ATP10B: variants seen among roughly 807,000 people sequenced by gnomAD.
ATP10B encodes the protein phospholipid-transporting ATPase VB.
In ATP10B, 122 loss-of-function variants were observed where a neutral mutation model predicts 141.2. The ratio of observed to expected loss-of-function variants is 0.86; its 90% CI spans 0.75 to 1.00. ATP10B has a LOEUF of 1.00. Among genes scored for constraint, ATP10B ranks in the 50% least tolerant of loss-of-function variants. The pLI is 0.00. For synonymous variants in ATP10B, 685 were observed against 692.0 expected, an observed-to-expected ratio of 0.99 and a Z score of 0.16; for missense variants, 1,876 against 1,825.3, an observed-to-expected ratio of 1.03 and a Z score of -0.51.
the ATP10B span, among the ~76,000 whole-genome samples, chr5:160,860,399 GAT>G: frequency 6.6e-6 from 1 of 151,796 alleles, no homozygotes; most frequent in African/African-American, 2.4e-5. Flanking sequence ...AACTAAATGA[GAT>G]AAGTTTAATG....
chr5:160,923,817 A>G, the ATP10B span, among the ~76,000 whole-genome samples: 1 of 152,218 alleles, frequency 6.6e-6, no homozygotes, highest in Non-Finnish European at 1.5e-5. Context: ...CACTGAAACT[A>G]TACTTTAAGA....
chr5:160,807,433 G>A (rs780931261), intron 1 of ATP10B, among the ~76,000 whole-genome samples: 1 of 152,132 alleles, frequency 6.6e-6, no homozygotes, highest in Non-Finnish European at 1.5e-5. Flanking sequence ...AGCACACAGA[G>A]AATATTTAGA....
At chr5:160,734,063 A>G (rs1766938409) in intron 2 of ATP10B, among the ~76,000 whole-genome samples, 1 of 136,344 alleles carries the variant, frequency 7.3e-6, no homozygotes, top group Non-Finnish European at 1.5e-5. Flanking sequence ...AGCCGATATC[A>G]TGTCACTGCA....
At chr5:160,783,453 A>G (rs1388235126) in intron 2 of ATP10B, among the ~76,000 whole-genome samples, 4 of 141,630 alleles carry the variant, frequency 2.8e-5, no homozygotes, top group African/African-American at 1.0e-4. Context: ...TCACATATAT[A>G]TATATATATC....
At chr5:160,779,574 A>G (rs976831224) in intron 2 of ATP10B, among the ~76,000 whole-genome samples, 3 of 152,172 alleles carry the variant, frequency 2.0e-5, no homozygotes, top group Non-Finnish European at 2.9e-5. Context: ...TCACCATGTC[A>G]GTGAGCTTGG....
At chr5:160,648,870 C>A (rs1760486496) in intron 8 of ATP10B, among the ~76,000 whole-genome samples, 1 of 149,790 alleles carries the variant, frequency 6.7e-6, no homozygotes. Context: ...TTAATTAAAT[C>A]ATATTCACCT....
chr5:160,647,190 T>C (rs957686336), intron 8 of ATP10B, among the ~76,000 whole-genome samples: 3 of 152,194 alleles, frequency 2.0e-5, no homozygotes, highest in African/African-American at 7.2e-5. Context: ...AGCCAGCCTG[T>C]GCAGCCTCAG....
intron 6 of ATP10B, among the ~76,000 whole-genome samples, chr5:160,682,871 C>T (rs1763501138): frequency 6.6e-6 from 1 of 151,700 alleles, no homozygotes; most frequent in Admixed American, 6.6e-5. Flanking sequence ...AACCCCGTCT[C>T]TACTAAAAAT....
chr5:160,660,442 CAT>C (rs1761830715), intron 7 of ATP10B, among the ~76,000 whole-genome samples: 1 of 152,152 alleles, frequency 6.6e-6, no homozygotes, highest in Non-Finnish European at 1.5e-5. Context: ...ACCATGAGTT[CAT>C]ATTGATGCTA....
intron 6 of ATP10B, among the ~76,000 whole-genome samples, chr5:160,672,815 A>G (rs964297749): frequency 3.9e-5 from 6 of 152,210 alleles, no homozygotes; most frequent in African/African-American, 1.4e-4. Flanking sequence ...CTCCTTTGAC[A>G]TCACAAAAGT....
rs1181042904 is a variant in ATP10B at position 160,615,964 on chromosome 5, C to T, written c.2527G>A (p.Val843Ile). 6.2e-7 allele frequency: 1 copy of T among 1,611,404 alleles called. No homozygotes were observed. Among genetic ancestry groups the T allele is most frequent in the South Asian group, 1.1e-5 (1 of 90,916 alleles). ...GLRTLCIAKK[V>I]VSEEDFRRWA... ...CTCCGGAAGTCCTCTTCGCTTACAA[C>T]CTATGGGATGGGAAAAGGCTCCTTA... Residue 843 changes from valine (V) to isoleucine (I), a missense_variant and splice_region_variant, in exon 17 of 26, where the codon GTT becomes ATT. Physicochemically the swap from Val to Ile is conservative, Grantham distance 29. Coordinates refer to ENST00000327245, the MANE Select transcript of ATP10B (RefSeq NM_025153.3).
chr5:160,898,219 C>A, the ATP10B span, among the ~76,000 whole-genome samples: 1 of 152,100 alleles, frequency 6.6e-6, no homozygotes, highest in Non-Finnish European at 1.5e-5. Flanking sequence ...AGGAAACCTA[C>A]AGAATGGGAG....
chr5:160,826,305 G>C (rs1039650525), intron 1 of ATP10B, among the ~76,000 whole-genome samples: 1 of 152,076 alleles, frequency 6.6e-6, no homozygotes, highest in African/African-American at 2.4e-5. Flanking sequence ...TTTGTTGCGG[G>C]AAGTCAGGGA....
intron 13 of ATP10B, among the ~76,000 whole-genome samples, chr5:160,627,894 G>A (rs899465095): frequency 2.0e-5 from 3 of 152,192 alleles, no homozygotes; most frequent in Admixed American, 1.3e-4. Context: ...GCTGCTAATC[G>A]TTGTTGTGCC....
intron 5 of ATP10B, chr5:160,686,862 T>C (rs998815661): frequency 3.0e-5 from 24 of 809,872 alleles, no homozygotes; most frequent in South Asian, 5.6e-5. Context: ...TGGTCACTTA[T>C]AATAATAATT....
At chr5:160,729,418 G>A (rs538038912) in intron 2 of ATP10B, among the ~76,000 whole-genome samples, 8 of 152,178 alleles carry the variant, frequency 5.3e-5, no homozygotes, top group East Asian at 1.9e-4. Context: ...CAGCTGCTGC[G>A]CTAGCTAACA....
At chr5:160,767,636 C>CCCCCACCG (rs1199308387) in intron 2 of ATP10B, among the ~76,000 whole-genome samples, 1 of 60,752 alleles carries the variant, frequency 1.6e-5, no homozygotes, top group Non-Finnish European at 3.3e-5. Context: ...GTGTGCAGAA[C>CCCCCACCG]CCCCCCCCCC....
intron 1 of ATP10B, among the ~76,000 whole-genome samples, chr5:160,808,849 A>T (rs533023992): frequency 4.6e-5 from 7 of 152,310 alleles, no homozygotes; most frequent in Admixed American, 4.6e-4. Context: ...CTATTGTCTC[A>T]GTTCTGGAGG....
chr5:160,848,025 G>T (rs1456011490), intron 1 of ATP10B, among the ~76,000 whole-genome samples: 1 of 152,104 alleles, frequency 6.6e-6, no homozygotes, highest in Admixed American at 6.6e-5. Context: ...CCAGGTTTAT[G>T]CCTGGGGAAA....
Sources: gnomAD v4.1 joint callset for allele counts (sites outside exome capture counted in the v4.1 genomes callset) on GRCh38, gnomAD v4.1.1 for gene constraint, MANE v1.5 for transcripts, NCBI Gene and HGNC (gene_info 2026-07-23, HGNC 2026-07-21) for gene names.